Variants in CFI observed in about 807,000 individuals in gnomAD.
The protein encoded by CFI is C3B/C4B inactivator.
Under a neutral mutation model 78.8 loss-of-function variants are expected in CFI, and 66 were observed. The observed-to-expected ratio is 0.84, with a 90% CI of 0.69 to 1.03. CFI has a LOEUF of 1.03. Among genes scored for constraint, CFI ranks in the 50% least tolerant of loss-of-function variants. CFI has a pLI of 0.00. For missense variants in CFI, 706 were observed against 704.5 expected (o/e 1.00, Z -0.02); for synonymous variants, 250 against 232.6 (o/e 1.07, Z -0.68).
intron 8 of CFI, among the ~76,000 whole-genome samples, chr4:109,751,438 C>CTTTTTTTTTT (rs66497003): frequency 2.0e-5 from 2 of 100,356 alleles, no homozygotes; most frequent in Non-Finnish European, 1.8e-5. Context: ...AGAGCTAAAT[C>CTTTTTTTTTT]TTTTTTTTTT....
the CFI span, among the ~76,000 whole-genome samples, chr4:109,734,512 G>A: frequency 2.6e-5 from 4 of 152,248 alleles, no homozygotes; most frequent in East Asian, 7.7e-4. Context: ...AATTAGAAAT[G>A]GCGATTACAG....
At chr4:109,763,749 GT>G (rs1727372711) in intron 3 of CFI, among the ~76,000 whole-genome samples, 1 of 151,772 alleles carries the variant, frequency 6.6e-6, no homozygotes, top group Non-Finnish European at 1.5e-5. Flanking sequence ...CACAAAGCAA[GT>G]CTCAACAAAT....
At chr4:109,781,903 C>A (rs2125846780) in intron 1 of CFI, among the ~76,000 whole-genome samples, 1 of 151,930 alleles carries the variant, frequency 6.6e-6, no homozygotes, top group Admixed American at 6.6e-5. Flanking sequence ...AATGAAAAAC[C>A]AAAGTCACAT....
intron 1 of CFI, among the ~76,000 whole-genome samples, chr4:109,779,649 G>A (rs2125842359): frequency 6.6e-6 from 1 of 152,072 alleles, no homozygotes; most frequent in African/African-American, 2.4e-5. Context: ...AGTTCATATG[G>A]AACCAAAAAA....
rs142431925 is a variant in CFI, at chr4:109,772,859, C to T, written c.58-6035G>A. Among the ~76,000 whole-genome samples, 664 of 152,286 alleles carry T rather than the reference C, an allele frequency of 4.4e-3. 7 individuals are homozygous for T. Among genetic ancestry groups the T allele is most frequent in the African/African-American group, 0.015 (624 of 41,550 alleles). On this transcript the variant is annotated intron_variant, in intron 1 of 12. Transcript: ENST00000394634. ...TCAGCCTCCCAACATGCTGGGATTACAGATGTGTGCCACCCTGCCTAACCT... is the reference window on the plus strand; with the variant it reads ...TCAGCCTCCCAACATGCTGGGATTATAGATGTGTGCCACCCTGCCTAACCT...
chr4:109,741,189 A>C, intron 12 of CFI, 79 bp from the exon 13 acceptor site: 1 of 1,604,658 alleles, frequency 6.2e-7, no homozygotes, highest in Non-Finnish European at 8.5e-7. Flanking sequence ...CATGGCATTT[A>C]ACAACTTTGG....
chr4:109,777,246 A>T (rs1280323081), intron 1 of CFI, among the ~76,000 whole-genome samples: 1 of 152,212 alleles, frequency 6.6e-6, no homozygotes, highest in Non-Finnish European at 1.5e-5. Flanking sequence ...GTGCAGAGAC[A>T]CACATAGGCT....
intron 4 of CFI, 119 bp from the exon 5 acceptor site, chr4:109,760,755 A>G: frequency 1.4e-6 from 1 of 712,910 alleles, no homozygotes; most frequent in South Asian, 1.5e-5. Context: ...AAAATGTATA[A>G]AACGTATTGG....
intron 1 of CFI, among the ~76,000 whole-genome samples, chr4:109,778,624 C>A (rs1009547023): frequency 6.6e-6 from 1 of 152,118 alleles, no homozygotes; most frequent in Non-Finnish European, 1.5e-5. Context: ...CTCCCTAATT[C>A]ATTTTATGAG....
intron 1 of CFI, among the ~76,000 whole-genome samples, chr4:109,777,006 C>A (rs1729336854): frequency 6.6e-6 from 1 of 152,174 alleles, no homozygotes; most frequent in Non-Finnish European, 1.5e-5. Flanking sequence ...CAGTACCAGC[C>A]ACTGCAAAAA....
At chr4:109,756,957 GAAAGAAAGAAA>G (rs1726356538) in intron 7 of CFI, among the ~76,000 whole-genome samples, 1 of 132,850 alleles carries the variant, frequency 7.5e-6, no homozygotes, top group Non-Finnish European at 1.7e-5. Flanking sequence ...AAGAAAGAAA[GAAAGAAAGAAA>G]GAAAGAAAGA....
At chr4:109,753,896 G>T in intron 7 of CFI, among the ~76,000 whole-genome samples, 2 of 112,842 alleles carry the variant, frequency 1.8e-5, no homozygotes, top group Middle Eastern at 6.1e-3. Context: ...ATTATATAAT[G>T]TATAATTTTA....
intron 1 of CFI, among the ~76,000 whole-genome samples, chr4:109,780,277 A>C (rs1729831431): frequency 6.6e-6 from 1 of 152,206 alleles, no homozygotes; most frequent in African/African-American, 2.4e-5. Flanking sequence ...TGGACTCTAC[A>C]AAGAACTCAA....
In CFI at chr4:109,749,156, A is replaced by G. The variant is rs932335936; in HGVS notation, c.1148+62T>C. The stretch of plus-strand genomic sequence containing the variant: ...TCAGATATGCTTTATCATCTGCCAC[A>G]ATCTCTATTACTCACTTTCATTGTT... On this transcript the variant is annotated intron_variant, in intron 10 of 12. Transcript: ENST00000394634. The G allele has an allele frequency of 5.1e-5, 70 of 1,375,612 alleles. No homozygotes were observed. In the East Asian group the frequency reaches 1.1e-3, roughly 22 times the overall value. 85.2% of individuals were successfully genotyped at this position (1,375,612 alleles called of 1,614,324 possible). A position where few individuals can be genotyped will look rare whatever the true frequency, so the allele number is the denominator to read the frequency against.
chr4:109,742,249 C>T, intron 12 of CFI: 5 of 481,492 alleles, frequency 1.0e-5, no homozygotes, highest in Admixed American at 3.4e-5. Flanking sequence ...TTCCAGAGGC[C>T]GTGCTCTTAG....
At chr4:109,769,411 T>G (rs974025220) in intron 1 of CFI, among the ~76,000 whole-genome samples, 4 of 152,162 alleles carry the variant, frequency 2.6e-5, no homozygotes, top group Non-Finnish European at 2.9e-5. Flanking sequence ...CAGACTTGCT[T>G]CCAGGGTGTG....
intron 12 of CFI, among the ~76,000 whole-genome samples, chr4:109,741,700 C>T (rs1723814321): frequency 6.6e-6 from 1 of 152,142 alleles, no homozygotes; most frequent in African/African-American, 2.4e-5. Flanking sequence ...ATCCTGAACT[C>T]CATTTCAAGA....
At chr4:109,740,082 C>A (rs1723621301), downstream of CFI, among the ~76,000 whole-genome samples, 1 of 152,066 alleles carries the variant, frequency 6.6e-6, no homozygotes, top group Non-Finnish European at 1.5e-5. Context: ...TCCCTTGAGC[C>A]TAGGAGTTCA....
At chr4:109,743,047 G>T (rs116453943) in intron 11 of CFI, among the ~76,000 whole-genome samples, 1,551 of 152,298 alleles carry the variant, frequency 0.01, 19 homozygotes, top group African/African-American at 0.036. Flanking sequence ...ATCAATGTTT[G>T]TGTGTTTTTG....
Sources: gnomAD v4.1 joint callset for allele counts (sites outside exome capture counted in the v4.1 genomes callset) on GRCh38, gnomAD v4.1.1 for gene constraint, MANE v1.5 for transcripts, NCBI Gene and HGNC (gene_info 2026-07-23, HGNC 2026-07-21) for gene names.